Variants in RIC3 observed in about 807,000 individuals in gnomAD.
The protein encoded by RIC3 is protein RIC-3.
In RIC3, 28 loss-of-function variants were observed where a neutral mutation model predicts 27.3. The observed-to-expected ratio is 1.02, with a 90% confidence interval of 0.76 to 1.41. RIC3 has a LOEUF of 1.41. Ranked by LOEUF, RIC3 falls within the 40% of genes most tolerant of loss-of-function variation. RIC3 has a pLI of 0.00. For synonymous variants in RIC3, 184 were observed against 160.4 expected (o/e 1.15, Z -1.11); for missense variants, 501 against 444.7 (o/e 1.13, Z -1.14).
chr11:8,134,704 G>A (rs1948154731), intron 4 of RIC3, among the ~76,000 whole-genome samples: 1 of 152,082 alleles, frequency 6.6e-6, no homozygotes, highest in African/African-American at 2.4e-5. Context: ...GGTGTGAGGT[G>A]GTATCTCACT....
intron 4 of RIC3, among the ~76,000 whole-genome samples, chr11:8,130,350 C>A (rs1266012246): frequency 1.3e-5 from 2 of 152,196 alleles, no homozygotes; most frequent in African/African-American, 4.8e-5. Context: ...TTCATCCAGG[C>A]AACAGTCCAT....
the RIC3 span, among the ~76,000 whole-genome samples, chr11:8,100,175 T>C: frequency 9.9e-5 from 15 of 152,062 alleles, no homozygotes; most frequent in Non-Finnish European, 2.1e-4. Context: ...CTGGGTATAA[T>C]TGGAAGGTGG....
Position 8,169,021 on chromosome 11 carries a change from C to CAGCCGGAACCGG in RIC3, c.-33_-32insCCGGTTCCGGCT. The CAGCCGGAACCGG allele has an allele frequency of 6.6e-7, 1 of 1,514,952 alleles. No individual in the cohort carries two copies. Among genetic ancestry groups the CAGCCGGAACCGG allele is most frequent in the Non-Finnish European group, 8.8e-7 (1 of 1,138,522 alleles). The allele number at this position is 1,514,952 out of a possible 1,614,324, so 93.8% of individuals were successfully genotyped here. A position where few individuals can be genotyped will look rare whatever the true frequency, so the allele number is the denominator to read the frequency against. ...TCACGGTGGTCGCAGGTGCAGACGCCAGCCGGAACCGGAACCGGAACCGGA... is the reference window on the plus strand; with the variant it reads ...TCACGGTGGTCGCAGGTGCAGACGCCAGCCGGAACCGGAGCCGGAACCGGAACCGGAACCGGA... On this transcript the variant is annotated 5_prime_UTR_variant, in exon 1 of 6. Coordinates refer to ENST00000309737, the MANE Select transcript of RIC3 (RefSeq NM_001206671.4).
chr11:8,157,225 T>C (rs926012133), intron 1 of RIC3, among the ~76,000 whole-genome samples: 1 of 152,114 alleles, frequency 6.6e-6, no homozygotes, highest in African/African-American at 2.4e-5. Flanking sequence ...ATACCTAATA[T>C]CCCCCAGTGC....
Position 8,114,059 on chromosome 11 carries a change from C to T in RIC3, c.671-2922G>A, listed in dbSNP as rs140286810. 6.4e-3 allele frequency among the ~76,000 whole-genome samples: 980 copies of T among 152,280 alleles called. 22 individuals carry two copies. Among genetic ancestry groups the T allele is most frequent in the Admixed American group, 0.051 (781 of 15,284 alleles). ...CAACCCCACGGACTCAACACCAGGC[C>T]ACCCTGCCTAAGGACTCTACCAGCA... On this transcript the variant is annotated intron_variant, in intron 5 of 5. Coordinates refer to ENST00000309737, the MANE Select transcript of RIC3 (RefSeq NM_001206671.4).
chr11:8,168,783 C>G, intron 1 of RIC3, 83 bp downstream of exon 1: 1 of 1,530,310 alleles, frequency 6.5e-7, no homozygotes, highest in Non-Finnish European at 8.8e-7. Context: ...AGGCTGCAGA[C>G]TCTCAGAGTC....
intron 1 of RIC3, among the ~76,000 whole-genome samples, chr11:8,159,788 C>T (rs1951010155): frequency 1.3e-5 from 2 of 152,122 alleles, no homozygotes; most frequent in South Asian, 2.1e-4. Flanking sequence ...GTCAAGGGTT[C>T]GATACCAGCC....
intron 4 of RIC3, chr11:8,128,408 G>C (rs1947245200): frequency 2.7e-6 from 1 of 369,360 alleles, no homozygotes; most frequent in Admixed American, 3.7e-5. Context: ...AGCTTTCCCA[G>C]AGAACTCCAA....
intron 2 of RIC3, chr11:8,138,632 T>C: frequency 2.5e-6 from 1 of 392,446 alleles, no homozygotes. Flanking sequence ...AGAAGCAAAA[T>C]TTATTCAAGA....
chr11:8,140,089 C>A lies in RIC3; in HGVS notation c.229G>T (p.Ala77Ser), dbSNP rs1335157005. 4 of 1,613,972 alleles carry A rather than the reference C, an allele frequency of 2.5e-6. No homozygotes were observed. The highest frequency in any genetic ancestry group is 3.4e-6 in the Non-Finnish European group (4 of 1,180,040). ...CCTCCACCTGATCCTTTGGCCTTTG[C>A]AAATGCCTCGGCAAGGTGAGACCTC... Reference protein sequence around the residue: ...FQRSHLAEAFAKAKGSGGGAG... With the variant: ...FQRSHLAEAFSKAKGSGGGAG... The change falls in exon 2 of 6, where the codon GCA becomes TCA. Residue 77 changes from alanine (A) to serine (S), a missense_variant. By Grantham distance (99) the Ala-to-Ser change is moderately conservative (BLOSUM62 1). Coordinates refer to ENST00000309737, the MANE Select transcript of RIC3 (RefSeq NM_001206671.4).
At chr11:8,164,157 C>T (rs1313221498) in intron 1 of RIC3, among the ~76,000 whole-genome samples, 3 of 152,100 alleles carry the variant, frequency 2.0e-5, no homozygotes, top group Non-Finnish European at 2.9e-5. Context: ...AGTTGGACTC[C>T]TACCTTACCC....
the RIC3 span, chr11:8,096,807 G>T: frequency 6.2e-7 from 1 of 1,614,002 alleles, no homozygotes; most frequent in Non-Finnish European, 8.5e-7. Context: ...GTCCGTCAGG[G>T]TGAGTGAGTG....
chr11:8,097,708 C>A, the RIC3 span: 1 of 1,610,722 alleles, frequency 6.2e-7, no homozygotes, highest in Non-Finnish European at 8.5e-7. Context: ...CATTCCACTC[C>A]CCAAGGTGTT....
chr11:8,097,144 T>G, the RIC3 span: 615 of 1,484,048 alleles, frequency 4.1e-4, 1 homozygote, highest in Non-Finnish European at 5.5e-4. Flanking sequence ...ACCGCCACGT[T>G]AGGAGGCAGA....
In RIC3 at chr11:8,147,791, G is replaced by A. The variant is rs182647818; in HGVS notation, c.125-7598C>T. On this transcript the variant is annotated intron_variant, in intron 1 of 5. Transcript: ENST00000309737. ...TCACCAGGCTGGAGTGCAGTGGCGC[G>A]ATCTCGGCTCATTGCAACCTCCGAC... Among the ~76,000 whole-genome samples the A allele has an allele frequency of 6.4e-3, 955 of 149,380 alleles. 23 individuals are homozygous for A. Among genetic ancestry groups the A allele is most frequent in the Admixed American group, 0.051 (759 of 14,894 alleles).
intron 1 of RIC3, among the ~76,000 whole-genome samples, chr11:8,145,686 AT>A (rs888612537): frequency 2.1e-4 from 31 of 149,366 alleles, no homozygotes; most frequent in East Asian, 9.8e-4. Context: ...ATTTTCTTGC[AT>A]TTTTTTTTTC....
Position 8,111,007 on chromosome 11 carries a change from C to A in RIC3, c.801G>T (p.Met267Ile). The A allele has an allele frequency of 6.2e-7, 1 of 1,614,202 alleles. No homozygotes were observed. Residue 267 changes from methionine (M) to isoleucine (I), a missense_variant, in exon 6 of 6, where the codon ATG (methionine) becomes ATT (isoleucine). Physicochemically the swap from Met to Ile is conservative, Grantham distance 10. Coordinates refer to ENST00000309737, the MANE Select transcript of RIC3 (RefSeq NM_001206671.4). Reference sequence around the variant, plus strand: ...AATGATCTGATTCTTCCTCTTCTATCATTCCCATTCTTTCAGCTATTTCTT... The same window carrying A: ...AATGATCTGATTCTTCCTCTTCTATAATTCCCATTCTTTCAGCTATTTCTT... Reference protein sequence around the residue: ...SAEEIAERMGMIEEEESDHLG... With the variant: ...SAEEIAERMGIIEEEESDHLG...
intron 1 of RIC3, among the ~76,000 whole-genome samples, chr11:8,161,665 G>A (rs1034537288): frequency 6.6e-6 from 1 of 152,216 alleles, no homozygotes; most frequent in African/African-American, 2.4e-5. Context: ...TTCTGGGAAA[G>A]AATCTTGGGA....
intron 1 of RIC3, among the ~76,000 whole-genome samples, chr11:8,156,215 T>C (rs763858817): frequency 1.3e-5 from 2 of 152,216 alleles, no homozygotes; most frequent in Non-Finnish European, 2.9e-5. Flanking sequence ...AGTTCTCTGA[T>C]CAAAAGCTTC....
Sources: gnomAD v4.1 joint callset for allele counts (sites outside exome capture counted in the v4.1 genomes callset) on GRCh38, gnomAD v4.1.1 for gene constraint, MANE v1.5 for transcripts, NCBI Gene and HGNC (gene_info 2026-07-23, HGNC 2026-07-21) for gene names.